The following GAP43 variants were observed in gnomAD, a reference collection of about 807,000 sequenced individuals.
The protein encoded by GAP43 is neuromodulin.
A neutral mutation model predicts 18.6 loss-of-function variants in GAP43; 6 were observed. The observed-to-expected ratio is 0.32, with a 90% CI of 0.18 to 0.64. GAP43 has a LOEUF of 0.64. GAP43 is among the 30% of genes least tolerant of loss of function. GAP43 has a pLI of 0.78. For missense variants in GAP43, 292 were observed against 295.5 expected (o/e 0.99, Z 0.09); for synonymous variants, 115 against 111.4 (o/e 1.03, Z -0.20).
chr3:115,629,137 A>G (rs1427143096), intron 1 of GAP43, among the ~76,000 whole-genome samples: 1 of 152,196 alleles, frequency 6.6e-6, no homozygotes, highest in Non-Finnish European at 1.5e-5. Flanking sequence ...AAAAGATTGA[A>G]TAAATCCTCT....
At chr3:115,700,946 C>T (rs1364312953) in intron 2 of GAP43, among the ~76,000 whole-genome samples, 1 of 152,086 alleles carries the variant, frequency 6.6e-6, no homozygotes, top group African/African-American at 2.4e-5. Flanking sequence ...ATCAGACTGA[C>T]AGCAGACATC....
At chr3:115,716,646 G>A (rs1193347878) in intron 2 of GAP43, among the ~76,000 whole-genome samples, 1 of 138,792 alleles carries the variant, frequency 7.2e-6, no homozygotes, top group Non-Finnish European at 1.5e-5. Flanking sequence ...TCATCCCTTC[G>A]CTTAAAACAA....
At chr3:115,682,728 GA>G (rs1708972721) in intron 2 of GAP43, among the ~76,000 whole-genome samples, 1 of 152,100 alleles carries the variant, frequency 6.6e-6, no homozygotes, top group South Asian at 2.1e-4. Context: ...GTAAAGACGG[GA>G]TTTTACCATG....
intron 1 of GAP43, among the ~76,000 whole-genome samples, chr3:115,659,119 A>G (rs1448643329): frequency 6.6e-6 from 1 of 152,108 alleles, no homozygotes; most frequent in Non-Finnish European, 1.5e-5. Flanking sequence ...GGGCCAGGGG[A>G]GTGGAAGAGC....
intron 1 of GAP43, among the ~76,000 whole-genome samples, chr3:115,645,980 G>A (rs9871818): frequency 0.21 from 32,637 of 151,908 alleles, 3,956 homozygotes; most frequent in Middle Eastern, 0.31. Flanking sequence ...GTCACTTATT[G>A]GAACTTTGAT....
chr3:115,693,479 TC>T (rs1212427510), intron 2 of GAP43, among the ~76,000 whole-genome samples: 3 of 146,362 alleles, frequency 2.0e-5, no homozygotes, highest in Non-Finnish European at 1.5e-5. Context: ...TTTAAAAAAA[TC>T]CTGTTAAATT....
At chr3:115,646,542 T>A (rs1403657676) in intron 1 of GAP43, among the ~76,000 whole-genome samples, 1 of 151,814 alleles carries the variant, frequency 6.6e-6, no homozygotes, top group Non-Finnish European at 1.5e-5. Context: ...TAGGTGGGGG[T>A]TCAGAAGGGC....
intron 1 of GAP43, among the ~76,000 whole-genome samples, chr3:115,625,895 CAT>C (rs1708181732): frequency 1.3e-5 from 2 of 152,180 alleles, no homozygotes; most frequent in African/African-American, 4.8e-5. Flanking sequence ...GTTTTAGCAT[CAT>C]TTATATTCAA....
At chr3:115,703,804 C>G (rs756295468) in intron 2 of GAP43, among the ~76,000 whole-genome samples, 1 of 152,022 alleles carries the variant, frequency 6.6e-6, no homozygotes, top group Non-Finnish European at 1.5e-5. Flanking sequence ...ACGGACTCTC[C>G]GTGACTCTTT....
At chr3:115,707,259 T>C (rs1272515477) in intron 2 of GAP43, among the ~76,000 whole-genome samples, 1 of 152,098 alleles carries the variant, frequency 6.6e-6, no homozygotes, top group East Asian at 1.9e-4. Flanking sequence ...TTACTCAAGG[T>C]CATAGTGTCA....
chr3:115,656,300 GA>G (rs1361677593), intron 1 of GAP43, among the ~76,000 whole-genome samples: 2 of 152,206 alleles, frequency 1.3e-5, no homozygotes, highest in African/African-American at 4.8e-5. Context: ...TAATGGGGTA[GA>G]AATAGAAAAT....
intron 1 of GAP43, among the ~76,000 whole-genome samples, chr3:115,651,481 T>C (rs757892280): frequency 6.6e-6 from 1 of 152,170 alleles, no homozygotes; most frequent in African/African-American, 2.4e-5. Context: ...GGAGTCAACT[T>C]TGAACCCTCA....
At chr3:115,698,124 T>A (rs866502608) in intron 2 of GAP43, among the ~76,000 whole-genome samples, 337 of 5,816 alleles carry the variant, frequency 0.058, 11 homozygotes, top group African/African-American at 0.062. Context: ...TAATATATAT[T>A]ATATATAATA....
chr3:115,657,502 C>T (rs10934303), intron 1 of GAP43, among the ~76,000 whole-genome samples: 47,606 of 151,998 alleles, frequency 0.31, 8,906 homozygotes, highest in Non-Finnish European at 0.43. Context: ...CTAAGTCCCA[C>T]GGACTATGCT....
chr3:115,692,330 T>C (rs1361978375), intron 2 of GAP43, among the ~76,000 whole-genome samples: 1 of 152,218 alleles, frequency 6.6e-6, no homozygotes, highest in Admixed American at 6.5e-5. Flanking sequence ...CTACTGTCAT[T>C]CAATTAATTT....
intron 1 of GAP43, among the ~76,000 whole-genome samples, chr3:115,659,633 G>A (rs1348286864): frequency 6.6e-6 from 1 of 152,014 alleles, no homozygotes; most frequent in Non-Finnish European, 1.5e-5. Context: ...AGAGAGAAAA[G>A]GGAAGAGGGG....
chr3:115,669,069 TAC>T (rs151338962), intron 1 of GAP43, among the ~76,000 whole-genome samples: 82 of 145,242 alleles, frequency 5.6e-4, no homozygotes, highest in East Asian at 2.4e-3. Context: ...AAAGAAAAAG[TAC>T]ACACACACAC....
At chr3:115,643,194 C>T (rs1708418957) in intron 1 of GAP43, among the ~76,000 whole-genome samples, 1 of 152,052 alleles carries the variant, frequency 6.6e-6, no homozygotes, top group Non-Finnish European at 1.5e-5. Context: ...TACCTAGACT[C>T]AGTCACTTTT....
At chr3:115,684,853 C>T (rs1191238140) in intron 2 of GAP43, among the ~76,000 whole-genome samples, 2 of 152,102 alleles carry the variant, frequency 1.3e-5, no homozygotes, top group Non-Finnish European at 2.9e-5. Flanking sequence ...TCATCTGAAT[C>T]TTAAAGGATA....
Sources: gnomAD v4.1 joint callset for allele counts (sites outside exome capture counted in the v4.1 genomes callset) on GRCh38, gnomAD v4.1.1 for gene constraint, MANE v1.5 for transcripts, NCBI Gene and HGNC (gene_info 2026-07-23, HGNC 2026-07-21) for gene names.